GPR174: variants seen among roughly 807,000 people sequenced by gnomAD.
GPR174 encodes the protein G protein-coupled receptor 174, also known as probable G protein-coupled receptor 174.
GPR174 carries 8 observed loss-of-function variants against 16.5 expected under a neutral mutation model. The observed-to-expected ratio is 0.48, with a 90% CI of 0.28 to 0.87. The LOEUF (loss-of-function observed/expected upper bound fraction) is 0.87. GPR174 is among the 40% of genes least tolerant of loss of function. GPR174 has a pLI of 0.09. For missense variants in GPR174, 214 were observed against 247.5 expected, an observed-to-expected ratio of 0.86 and a Z score of 0.91; for synonymous variants, 111 against 94.8, an observed-to-expected ratio of 1.17 and a Z score of -0.99.
chrX:79,145,042 CTTTCTTTCTTTCTTTCTTTCTTTT>C lies in GPR174; in HGVS notation c.-825_-802del, dbSNP rs1335386123. 5.1e-5 allele frequency: 3 copies of C among 59,142 alleles called. No individual in the cohort carries two copies. The highest frequency in any genetic ancestry group is 2.3e-4 in the African/African-American group (3 of 12,961). The allele number at this position is 59,142 out of a possible 1,213,427, so 4.9% of individuals were successfully genotyped here. A position where few individuals can be genotyped will look rare whatever the true frequency, so the allele number is the denominator to read the frequency against. The stretch of plus-strand genomic sequence containing the variant: ...TCTTTCTTTCTTTCTTTCTTTCTTT[CTTTCTTTCTTTCTTTCTTTCTTTT>C]TTTTCTCCTTTTGCTAGTGAAGGAG... On this transcript the variant is annotated 5_prime_UTR_variant, in exon 1 of 3. Coordinates refer to ENST00000645147, the MANE Select transcript of GPR174 (RefSeq NM_032553.3).
intron 2 of GPR174, among the ~76,000 whole-genome samples, chrX:79,160,832 A>G (rs111403335): frequency 8.9e-6 from 1 of 112,098 alleles, no homozygotes; most frequent in Non-Finnish European, 1.9e-5. Flanking sequence ...AGAATACTTC[A>G]GAGTTGAAAC....
At chrX:79,147,297 T>A (rs1215853448) in intron 1 of GPR174, among the ~76,000 whole-genome samples, 1 of 110,438 alleles carries the variant, frequency 9.1e-6, no homozygotes, top group African/African-American at 3.3e-5. Context: ...TTCTCCTTGC[T>A]GACTATCAGG....
At chrX:79,157,703 G>A (rs748117417) in intron 2 of GPR174, among the ~76,000 whole-genome samples, 10 of 111,463 alleles carry the variant, frequency 9.0e-5, no homozygotes, top group African/African-American at 3.3e-4. Context: ...CAGGTTAGGG[G>A]CAGATTTGGA....
At chrX:79,165,306 C>CA (rs34381509) in intron 2 of GPR174, among the ~76,000 whole-genome samples, 2,447 of 68,383 alleles carry the variant, frequency 0.036, 56 homozygotes, top group African/African-American at 0.079. Context: ...AGCACTAAGA[C>CA]AAAAAAAAAA....
intron 2 of GPR174, among the ~76,000 whole-genome samples, chrX:79,158,287 C>A (rs778419546): frequency 1.9e-5 from 2 of 106,777 alleles, no homozygotes; most frequent in Non-Finnish European, 1.9e-5. Context: ...TTTCCCCTGA[C>A]GTAATCAGGA....
rs149548157 is a variant in GPR174 at position 79,159,988 on chromosome X, G to A, written c.-557+3070G>A. Among the ~76,000 whole-genome samples the A allele has an allele frequency of 3.4e-3, 377 of 111,672 alleles. 2 individuals are homozygous for A. The highest frequency in any genetic ancestry group is 0.012 in the African/African-American group (364 of 30,752). ...CACTCTCAGTCTATGACTAATTTAA[G>A]TAAAGAGCACAACTTATATTTTCAA... is the stretch of plus-strand genomic sequence containing the variant. On this transcript the variant is annotated intron_variant, in intron 2 of 2. Transcript: ENST00000645147.
At chrX:79,163,707 A>C (rs1315606622) in intron 2 of GPR174, among the ~76,000 whole-genome samples, 1 of 112,077 alleles carries the variant, frequency 8.9e-6, no homozygotes. Flanking sequence ...AAATAATGTA[A>C]ATTACTGAAA....
In GPR174 at chrX:79,171,864, G is replaced by T; in HGVS notation, c.857G>T (p.Cys286Phe). The change falls in exon 3 of 3, where the codon TGT becomes TTT. Residue 286 changes from cysteine to phenylalanine, a missense_variant. Transcript: ENST00000645147. Reference sequence around the variant, plus strand: ...TTGTGTCTTGCTAGTCTGAATTCATGTCTTGACCCAGTCATATACTACTTT... The same window carrying T: ...TTGTGTCTTGCTAGTCTGAATTCATTTCTTGACCCAGTCATATACTACTTT... ...VALCLASLNSCLDPVIYYFST... is the reference protein window; with the variant it reads ...VALCLASLNSFLDPVIYYFST... 1 of 1,211,149 alleles carries T rather than the reference G, an allele frequency of 8.3e-7. No individual in the cohort carries two copies. The highest frequency in any genetic ancestry group is 1.1e-6 in the Non-Finnish European group (1 of 895,334).
chrX:79,157,999 A>G (rs1282207562), intron 2 of GPR174, among the ~76,000 whole-genome samples: 1 of 107,979 alleles, frequency 9.3e-6, no homozygotes, highest in Non-Finnish European at 1.9e-5. Flanking sequence ...TGTAGCGCAC[A>G]TATCCCCTTC....
At chrX:79,169,267 G>C (rs1921452334) in intron 2 of GPR174, among the ~76,000 whole-genome samples, 1 of 111,699 alleles carries the variant, frequency 9.0e-6, no homozygotes, top group South Asian at 3.7e-4. Flanking sequence ...TAAAATTGGA[G>C]TCTGTTTCAG....
At chrX:79,152,965 C>A (rs1352817532) in intron 1 of GPR174, among the ~76,000 whole-genome samples, 1 of 112,096 alleles carries the variant, frequency 8.9e-6, no homozygotes, top group Non-Finnish European at 1.9e-5. Flanking sequence ...ACAAATTTCC[C>A]TTTGCACATG....
At chrX:79,161,015 G>A (rs1921222603) in intron 2 of GPR174, among the ~76,000 whole-genome samples, 1 of 111,907 alleles carries the variant, frequency 8.9e-6, no homozygotes, top group African/African-American at 3.2e-5. Context: ...TAGTTAAGTA[G>A]GTAAGTAGAC....
chrX:79,165,649 C>T (rs1396953517), intron 2 of GPR174, among the ~76,000 whole-genome samples: 1 of 111,321 alleles, frequency 9.0e-6, no homozygotes, highest in Non-Finnish European at 1.9e-5. Flanking sequence ...CCACCTATAC[C>T]AACAATTCCG....
chrX:79,174,244 T>C lies in GPR174; in HGVS notation c.*2235T>C, dbSNP rs751948210. On this transcript the variant is annotated 3_prime_UTR_variant, in exon 3 of 3. Transcript: ENST00000645147. ...TGCTGCTTAGCTGAGGACACCCTTT[T>C]TCCCCAGGCCTGCCCATCTACGTTT... 9.3e-6 allele frequency: 1 copy of C among 107,699 alleles called. No individual in the cohort carries two copies. The highest frequency in any genetic ancestry group is 1.9e-5 in the Non-Finnish European group (1 of 52,126). 8.9% of individuals were successfully genotyped at this position (107,699 alleles called of 1,213,427 possible). A position where few individuals can be genotyped will look rare whatever the true frequency, so the allele number is the denominator to read the frequency against.
chrX:79,144,696 CAG>C lies in GPR174; in HGVS notation c.-1170_-1169del, dbSNP rs974367304. 9.0e-6 allele frequency: 1 copy of C among 111,133 alleles called. No homozygotes were observed. Among genetic ancestry groups the C allele is most frequent in the African/African-American group, 3.3e-5 (1 of 30,526 alleles). The allele number at this position is 111,133 out of a possible 1,213,427, so 9.2% of individuals were successfully genotyped here. A position where few individuals can be genotyped will look rare whatever the true frequency, so the allele number is the denominator to read the frequency against. The stretch of plus-strand genomic sequence containing the variant: ...GGAAAACGGAAATGTTCAGTGTACA[CAG>C]AGAGTGGCTTGCATATTTCACTCTG... On this transcript the variant is annotated 5_prime_UTR_variant, in exon 1 of 3. Coordinates refer to ENST00000645147, the MANE Select transcript of GPR174 (RefSeq NM_032553.3).
chrX:79,161,911 A>G (rs1416838178), intron 2 of GPR174, among the ~76,000 whole-genome samples: 2 of 111,432 alleles, frequency 1.8e-5, no homozygotes, highest in African/African-American at 3.3e-5. Flanking sequence ...GTGTGTGGAG[A>G]GGAGGTGATG....
chrX:79,154,797 C>T (rs1921058259), intron 1 of GPR174, among the ~76,000 whole-genome samples: 1 of 111,017 alleles, frequency 9.0e-6, no homozygotes, highest in African/African-American at 3.3e-5. Flanking sequence ...AAGGCCAAGA[C>T]TAAAAGGTAG....
intron 2 of GPR174, among the ~76,000 whole-genome samples, chrX:79,166,432 C>CTTTT (rs1174620976): frequency 2.8e-4 from 12 of 43,620 alleles, no homozygotes; most frequent in Non-Finnish European, 3.7e-4. Context: ...TTTCTTTTTT[C>CTTTT]TTTTTTTTTT....
intron 1 of GPR174, among the ~76,000 whole-genome samples, chrX:79,147,941 C>T (rs909938016): frequency 9.0e-6 from 1 of 111,599 alleles, no homozygotes; most frequent in Non-Finnish European, 1.9e-5. Context: ...GCTCCAGAGG[C>T]ATCATTTTCC....
Sources: gnomAD v4.1 joint callset for allele counts (sites outside exome capture counted in the v4.1 genomes callset) on GRCh38, gnomAD v4.1.1 for gene constraint, MANE v1.5 for transcripts, NCBI Gene and HGNC (gene_info 2026-07-23, HGNC 2026-07-21) for gene names.